Variants in RAB11FIP3 observed in about 807,000 individuals in gnomAD.
RAB11FIP3 encodes the protein rab11 family-interacting protein 3.
Under a neutral mutation model 77.8 loss-of-function variants are expected in RAB11FIP3, and 17 were observed. That is an observed-to-expected ratio of 0.22 (90% CI 0.15 to 0.33). The LOEUF (loss-of-function observed/expected upper bound fraction) is 0.33. Ranked by LOEUF, RAB11FIP3 falls within the 10% of genes least tolerant of loss-of-function variation. The pLI, the probability that RAB11FIP3 is intolerant of heterozygous loss-of-function variation, is 1.00. For synonymous variants in RAB11FIP3, 437 were observed against 448.2 expected, an observed-to-expected ratio of 0.98 and a Z score of 0.31; for missense variants, 1,005 against 1,011.2, an observed-to-expected ratio of 0.99 and a Z score of 0.08.
At chr16:519,114 G>A (rs1394765439) in intron 10 of RAB11FIP3, 90 bp downstream of exon 10, 3 of 1,372,546 alleles carry the variant, frequency 2.2e-6, no homozygotes, top group Admixed American at 1.7e-5. Context: ...GCTCTGTGCT[G>A]AGCGGGATAC....
intron 1 of RAB11FIP3, among the ~76,000 whole-genome samples, chr16:433,873 G>C (rs1596184209): frequency 6.7e-6 from 1 of 149,020 alleles, no homozygotes; most frequent in Non-Finnish European, 1.5e-5. Context: ...AAAAAAAAAA[G>C]TACTCCATTG....
intron 2 of RAB11FIP3, among the ~76,000 whole-genome samples, chr16:470,473 G>C (rs1411605899): frequency 6.6e-6 from 1 of 152,214 alleles, no homozygotes; most frequent in African/African-American, 2.4e-5. Flanking sequence ...CATTAGAATA[G>C]ATTGTGTTAA....
At chr16:438,937 C>T (rs1374372195) in intron 1 of RAB11FIP3, among the ~76,000 whole-genome samples, 1 of 152,184 alleles carries the variant, frequency 6.6e-6, no homozygotes, top group East Asian at 1.9e-4. Context: ...ATCCGCCCGC[C>T]TTGGCACCCA....
chr16:519,685 C>A, intron 10 of RAB11FIP3, 69 bp from the exon 11 acceptor site: 4 of 1,562,166 alleles, frequency 2.6e-6, no homozygotes, highest in Non-Finnish European at 3.5e-6. Context: ...GAGGGACAGA[C>A]GGCCGGGGCA....
chr16:500,830 C>T (rs961138009), intron 6 of RAB11FIP3, among the ~76,000 whole-genome samples: 1 of 152,106 alleles, frequency 6.6e-6, no homozygotes, highest in Non-Finnish European at 1.5e-5. Context: ...GCTGTGTCCC[C>T]GAGTCAGCCC....
chr16:503,201 A>T (rs1357313535), intron 7 of RAB11FIP3, 104 bp downstream of exon 7: 2 of 860,776 alleles, frequency 2.3e-6, no homozygotes, highest in East Asian at 2.7e-5. Context: ...GCACAGCCGG[A>T]GGTGACCCCA....
chr16:505,436 C>T lies in RAB11FIP3; in HGVS notation c.1396-88C>T. ...GATCTGATTCTGTGCTGAGAAAATC[C>T]CCAGGCGGCCTCCCAGGTTGTTCCC... On this transcript the variant is annotated intron_variant, in intron 7 of 13. Transcript: ENST00000262305. This position sits in a 1 kb window ranked among gnomAD's most constrained non-coding sequence, Gnocchi z 4.0. The T allele has an allele frequency of 2.0e-6, 2 of 1,010,884 alleles. No homozygotes were observed. 62.6% of individuals were successfully genotyped at this position (1,010,884 alleles called of 1,614,324 possible).
chr16:501,074 G>C (rs558671800), intron 6 of RAB11FIP3, among the ~76,000 whole-genome samples: 1 of 152,222 alleles, frequency 6.6e-6, no homozygotes, highest in East Asian at 1.9e-4. Context: ...GCTGGTGCAC[G>C]TTCACAGGGC....
At chr16:479,833 A>C (rs969981761) in intron 3 of RAB11FIP3, among the ~76,000 whole-genome samples, 5 of 151,058 alleles carry the variant, frequency 3.3e-5, no homozygotes, top group African/African-American at 1.2e-4. Context: ...TGGGAGGATC[A>C]CTTGAGCCCA....
chr16:462,149 C>T (rs572736032), intron 2 of RAB11FIP3, among the ~76,000 whole-genome samples: 7 of 152,354 alleles, frequency 4.6e-5, no homozygotes, highest in African/African-American at 1.7e-4. Context: ...GCATACCCCT[C>T]GCCCTCAGGC....
At position 426,348 on chromosome 16, in the gene RAB11FIP3, G is replaced by A; in HGVS notation, c.342G>A (p.Ala114=). 2.6e-6 allele frequency: 4 copies of A among 1,510,900 alleles called. No individual in the cohort carries two copies. The highest frequency in any genetic ancestry group is 2.7e-6 in the Non-Finnish European group (3 of 1,130,456). 93.6% of individuals were successfully genotyped at this position (1,510,900 alleles called of 1,614,324 possible). Reference sequence around the variant, plus strand: ...CGGGCCCAGGGCCGCGCTCCGAAGCGCCGCTTCCAGAACTCGACCCGTTGT... The same window carrying A: ...CGGGCCCAGGGCCGCGCTCCGAAGCACCGCTTCCAGAACTCGACCCGTTGT... ...DAPGPGPRSE[A]PLPELDPLFS... Residue 114 remains alanine (A), a synonymous_variant, in exon 1 of 14, where the codon GCG becomes GCA. Coordinates refer to ENST00000262305, the MANE Select transcript of RAB11FIP3 (RefSeq NM_014700.4). This position sits in a 1 kb window ranked among gnomAD's most constrained non-coding sequence, Gnocchi z 5.0.
In RAB11FIP3 at chr16:471,257, A is replaced by G. The variant is rs554262399; in HGVS notation, c.809-38A>G. ...CCAGGGGTCCCGTCACTGGGTGGCT[A>G]TGGGTGGCCTGTTGAGCACGAGGTC... On this transcript the variant is annotated intron_variant, in intron 2 of 13. Coordinates refer to ENST00000262305, the MANE Select transcript of RAB11FIP3 (RefSeq NM_014700.4). This position sits in a 1 kb window ranked among gnomAD's most constrained non-coding sequence, Gnocchi z 4.4. 4.5e-6 allele frequency: 7 copies of G among 1,560,938 alleles called. No individual in the cohort carries two copies. The South Asian group carries it at 7.8e-5, about 17-fold the overall frequency.
rs1278855677 is a variant in RAB11FIP3, at chr16:522,240, C to A, written c.*1401C>A. The A allele has an allele frequency of 1.5e-5, 2 of 131,152 alleles. No homozygotes were observed. Among genetic ancestry groups the A allele is most frequent in the African/African-American group, 6.6e-5 (2 of 30,106 alleles). 8.1% of individuals were successfully genotyped at this position (131,152 alleles called of 1,614,324 possible). ...CTTTCAAGAGAAAACTGTGTATACA[C>A]ATGAAATATATATATATATATATAT... On this transcript the variant is annotated 3_prime_UTR_variant, in exon 14 of 14. Transcript: ENST00000262305.
intron 3 of RAB11FIP3, among the ~76,000 whole-genome samples, chr16:481,348 T>C (rs2056038188): frequency 6.6e-6 from 1 of 151,888 alleles, no homozygotes; most frequent in South Asian, 2.1e-4. Context: ...CCGTCTCTAC[T>C]AGAAATACAA....
intron 4 of RAB11FIP3, 100 bp from the exon 5 acceptor site, chr16:488,751 G>T: frequency 1.7e-6 from 2 of 1,162,520 alleles, no homozygotes; most frequent in Non-Finnish European, 2.3e-6. Context: ...GGACTCACGT[G>T]TGGCTTGTAG....
chr16:521,044 A>C lies in RAB11FIP3; in HGVS notation c.*205A>C. 1.7e-6 allele frequency: 1 copy of C among 591,482 alleles called. No homozygotes were observed. The highest frequency in any genetic ancestry group is 3.0e-6 in the Non-Finnish European group (1 of 331,480). 36.6% of individuals were successfully genotyped at this position (591,482 alleles called of 1,614,324 possible). ...TGGTGGAGAGGAGAGGGAGAAAGGG[A>C]AGTCCCAGGGCCCGGGGTCCACAGA... On this transcript the variant is annotated 3_prime_UTR_variant, in exon 14 of 14. Transcript: ENST00000262305.
In RAB11FIP3 at chr16:461,708, T is replaced by A. The variant is rs528874592; in HGVS notation, c.808+211T>A. ...GTTTTCCAGAATTTGCTGCGTTAAC[T>A]ACTTTTCCATAATGCTAGAAAGCAA... On this transcript the variant is annotated intron_variant, in intron 2 of 13. Coordinates refer to ENST00000262305, the MANE Select transcript of RAB11FIP3 (RefSeq NM_014700.4). The surrounding 1 kb of genome is among the most constrained non-coding windows in gnomAD (Gnocchi z 4.5). Among the ~76,000 whole-genome samples, 1 of 152,310 alleles carries A rather than the reference T, an allele frequency of 6.6e-6. No individual in the cohort carries two copies. The highest frequency in any genetic ancestry group is 2.1e-4 in the South Asian group (1 of 4,830).
intron 6 of RAB11FIP3, chr16:497,343 T>A (rs2031223777): frequency 7.7e-7 from 1 of 1,303,840 alleles, no homozygotes; most frequent in Non-Finnish European, 1.0e-6. Context: ...ACATACACTT[T>A]TATCTTCCTC....
chr16:489,033 C>T (rs749311559), intron 5 of RAB11FIP3, 33 bp downstream of exon 5: 4 of 1,598,956 alleles, frequency 2.5e-6, no homozygotes, highest in South Asian at 2.2e-5. Context: ...CACCCTCCTC[C>T]CTCTTCTTCC....
Sources: allele counts gnomAD v4.1 joint callset (sites outside exome capture counted in the v4.1 genomes callset), GRCh38; gene constraint gnomAD v4.1.1; non-coding constraint Gnocchi (gnomAD v3.1); transcripts MANE v1.5; gene names NCBI Gene and HGNC (gene_info 2026-07-23, HGNC 2026-07-21).